The following ASTN2 variants were observed in gnomAD, a reference collection of about 807,000 sequenced individuals.
ASTN2 encodes the protein astrotactin 2.
In ASTN2, 54 loss-of-function variants were observed where a neutral mutation model predicts 139.8. That is an observed-to-expected ratio of 0.39 (90% CI 0.31 to 0.48). ASTN2 has a LOEUF of 0.48. Among genes scored for constraint, ASTN2 ranks in the 20% least tolerant of loss-of-function variants. The pLI is 0.95. For missense variants in ASTN2, 1,565 were observed against 1,725.1 expected, an observed-to-expected ratio of 0.91 and a Z score of 1.64; for synonymous variants, 756 against 719.5, an observed-to-expected ratio of 1.05 and a Z score of -0.81.
At chr9:116,791,758 G>C (rs553658974) in intron 13 of ASTN2, among the ~76,000 whole-genome samples, 5 of 152,268 alleles carry the variant, frequency 3.3e-5, no homozygotes, top group African/African-American at 1.2e-4. Context: ...ATGAAATTGC[G>C]CTTCTTTAAA....
At chr9:116,926,608 T>C (rs183943851) in intron 10 of ASTN2, among the ~76,000 whole-genome samples, 11 of 152,340 alleles carry the variant, frequency 7.2e-5, no homozygotes, top group Admixed American at 5.2e-4. Flanking sequence ...CTGATAATAA[T>C]TTAAATATGG....
At chr9:116,976,562 C>T (rs572426168) in intron 8 of ASTN2, 139 bp downstream of exon 8, 3 of 663,496 alleles carry the variant, frequency 4.5e-6, no homozygotes, top group South Asian at 2.2e-5. Flanking sequence ...GGATTCACTT[C>T]CCATTGGGTT....
Position 116,662,451 on chromosome 9 carries a change from T to C in ASTN2, c.2807-10658A>G, listed in dbSNP as rs556773453. 3.9e-5 allele frequency among the ~76,000 whole-genome samples: 6 copies of C among 152,144 alleles called. 1 individual carries two copies. The South Asian group carries it at 6.2e-4, about 16-fold the overall frequency. The stretch of plus-strand genomic sequence containing the variant: ...AGCTGGGTGTGGTGGTGGGCACCTG[T>C]AATCCCAGATACTCGGGAGGCTGAG... On this transcript the variant is annotated intron_variant, in intron 16 of 22. Coordinates refer to ENST00000313400, the MANE Select transcript of ASTN2 (RefSeq NM_001365068.1).
intron 5 of ASTN2, among the ~76,000 whole-genome samples, chr9:117,083,072 C>T (rs752143967): frequency 2.0e-5 from 3 of 152,156 alleles, no homozygotes; most frequent in African/African-American, 4.8e-5. Context: ...TTGTGAAATA[C>T]ACTCTCCCTT....
At chr9:117,405,410 G>T (rs1830954655) in intron 1 of ASTN2, among the ~76,000 whole-genome samples, 1 of 152,156 alleles carries the variant, frequency 6.6e-6, no homozygotes, top group South Asian at 2.1e-4. Flanking sequence ...CTTCAGCACT[G>T]TAGAAAGAAT....
chr9:117,412,491 C>G (rs957411271), intron 1 of ASTN2, among the ~76,000 whole-genome samples: 1 of 152,154 alleles, frequency 6.6e-6, no homozygotes. Context: ...CTCACAGGCA[C>G]CCATCCTGTT....
chr9:116,865,622 A>G (rs1470894502), intron 10 of ASTN2, among the ~76,000 whole-genome samples: 7 of 151,930 alleles, frequency 4.6e-5, no homozygotes, highest in Admixed American at 1.3e-4. Flanking sequence ...GTAGCCAGTC[A>G]TTGGTGGGGC....
intron 12 of ASTN2, among the ~76,000 whole-genome samples, chr9:116,819,589 T>C (rs1831427914): frequency 6.6e-6 from 1 of 152,190 alleles, no homozygotes; most frequent in Non-Finnish European, 1.5e-5. Context: ...ATGCCCACAC[T>C]CACCCCCTAT....
chr9:116,794,096 C>CTTTTTT (rs35428342), intron 13 of ASTN2, among the ~76,000 whole-genome samples: 1 of 123,830 alleles, frequency 8.1e-6, no homozygotes, highest in Non-Finnish European at 1.7e-5. Flanking sequence ...AAATAAACAC[C>CTTTTTT]TTTTTTTTTT....
At chr9:116,981,628 T>C (rs1236475090) in intron 7 of ASTN2, among the ~76,000 whole-genome samples, 1 of 152,226 alleles carries the variant, frequency 6.6e-6, no homozygotes, top group Non-Finnish European at 1.5e-5. Flanking sequence ...ACCACTTCAG[T>C]GTCCTTTTGC....
In ASTN2 at chr9:116,874,444, A is replaced by G. The variant is rs142176825; in HGVS notation, c.1890-10711T>C. ...GTTCGCTGAATAAGGGCAGGTGTTG[A>G]AGGAAGAGAAGAAGGGCACAATAAG... On this transcript the variant is annotated intron_variant, in intron 10 of 22. Coordinates refer to ENST00000313400, the MANE Select transcript of ASTN2 (RefSeq NM_001365068.1). Among the ~76,000 whole-genome samples the G allele has an allele frequency of 1.5e-3, 232 of 152,246 alleles. 1 individual carries two copies. The highest frequency in any genetic ancestry group is 1.9e-3 in the South Asian group (9 of 4,830).
At chr9:117,363,942 G>A (rs113430149) in intron 1 of ASTN2, among the ~76,000 whole-genome samples, 3 of 152,186 alleles carry the variant, frequency 2.0e-5, no homozygotes, top group Non-Finnish European at 2.9e-5. Flanking sequence ...ATCCGCAAGC[G>A]TGGGCTGTTT....
chr9:117,174,861 A>G (rs187515166), intron 3 of ASTN2, among the ~76,000 whole-genome samples: 1 of 152,218 alleles, frequency 6.6e-6, no homozygotes, highest in African/African-American at 2.4e-5. Context: ...TCATTATGAT[A>G]TATTATGACA....
intron 10 of ASTN2, among the ~76,000 whole-genome samples, chr9:116,964,216 G>GGTGT (rs56209166): frequency 0.1 from 14,637 of 140,616 alleles, 841 homozygotes; most frequent in Non-Finnish European, 0.14. Flanking sequence ...ACTGCCCTGG[G>GGTGT]GTGTGTGTGT....
Position 117,160,843 on chromosome 9 carries a change from C to A in ASTN2, c.1016-19365G>T, listed in dbSNP as rs111447632. ...TACTGTCTTGACTCTGAAGAAAGGACAAGGTTTTGTGAGAGACACAGTGGG... is the reference window on the plus strand; with the variant it reads ...TACTGTCTTGACTCTGAAGAAAGGAAAAGGTTTTGTGAGAGACACAGTGGG... On this transcript the variant is annotated intron_variant, in intron 3 of 22. Coordinates refer to ENST00000313400, the MANE Select transcript of ASTN2 (RefSeq NM_001365068.1). Among the ~76,000 whole-genome samples, 29 of 151,924 alleles carry A rather than the reference C, an allele frequency of 1.9e-4. 1 individual carries two copies. The highest frequency in any genetic ancestry group is 7.0e-4 in the African/African-American group (29 of 41,462).
chr9:117,201,202 TATGGGGTCAGTGGTG>T (rs1393531545), intron 3 of ASTN2, among the ~76,000 whole-genome samples: 4 of 152,132 alleles, frequency 2.6e-5, no homozygotes, highest in Non-Finnish European at 5.9e-5. Context: ...TTTGTATTTA[TATGGGGTCAGTGGTG>T]ATATCCTCTT....
chr9:116,736,952 A>G (rs1016885756), intron 13 of ASTN2, among the ~76,000 whole-genome samples: 1 of 152,128 alleles, frequency 6.6e-6, no homozygotes, highest in African/African-American at 2.4e-5. Context: ...AGAGTGTGCA[A>G]ACTCAGGAGG....
At chr9:117,284,112 A>G (rs1272806425) in intron 2 of ASTN2, among the ~76,000 whole-genome samples, 2 of 152,088 alleles carry the variant, frequency 1.3e-5, no homozygotes, top group Non-Finnish European at 2.9e-5. Flanking sequence ...TTATAAAGGC[A>G]ATCAATTTTT....
chr9:117,189,980 A>G (rs1831304693), intron 3 of ASTN2, among the ~76,000 whole-genome samples: 1 of 152,222 alleles, frequency 6.6e-6, no homozygotes, highest in African/African-American at 2.4e-5. Context: ...TTGTTCCTGT[A>G]TACTCTGGGT....
Sources: allele counts gnomAD v4.1 joint callset (sites outside exome capture counted in the v4.1 genomes callset), GRCh38; gene constraint gnomAD v4.1.1; transcripts MANE v1.5; gene names NCBI Gene and HGNC (gene_info 2026-07-23, HGNC 2026-07-21).